PBX1: variants seen among roughly 807,000 people sequenced by gnomAD.
The protein encoded by PBX1 is PBX homeobox 1.
Under a neutral mutation model 53.4 loss-of-function variants are expected in PBX1, and 6 were observed. The observed-to-expected ratio is 0.11, with a 90% CI of 0.06 to 0.22. The LOEUF (loss-of-function observed/expected upper bound fraction) is 0.22, where lower values mean the gene tolerates loss of function less well. Among genes scored for constraint, PBX1 ranks in the 10% least tolerant of loss-of-function variants. PBX1 has a pLI of 1.00. For missense variants in PBX1, 251 were observed against 551.4 expected, an observed-to-expected ratio of 0.46 and a Z score of 5.46; for synonymous variants, 204 against 212.3, an observed-to-expected ratio of 0.96 and a Z score of 0.34.
chr1:164,797,495 A>G (rs1311609110), intron 3 of PBX1, among the ~76,000 whole-genome samples: 1 of 152,112 alleles, frequency 6.6e-6, no homozygotes, highest in African/African-American at 2.4e-5. Context: ...TTGGCTAGGG[A>G]ATGAGCTTAC....
At chr1:164,758,041 C>T in intron 2 of PBX1, among the ~76,000 whole-genome samples, 1 of 152,148 alleles carries the variant, frequency 6.6e-6, no homozygotes, top group East Asian at 1.9e-4. Flanking sequence ...TTTAGTTGGG[C>T]AGCAAACCTA....
chr1:164,581,745 T>C (rs1654632299), intron 2 of PBX1, among the ~76,000 whole-genome samples: 1 of 152,162 alleles, frequency 6.6e-6, no homozygotes. Context: ...AATATAATAA[T>C]AGCATCATTA....
chr1:164,762,940 C>T (rs1165521339), intron 2 of PBX1, among the ~76,000 whole-genome samples: 1 of 152,136 alleles, frequency 6.6e-6, no homozygotes, highest in African/African-American at 2.4e-5. Flanking sequence ...ATAATAGCAG[C>T]TGTACTAATA....
At chr1:164,770,483 T>G (rs566942466) in intron 2 of PBX1, 1 of 152,366 alleles carries the variant, frequency 6.6e-6, no homozygotes, top group Admixed American at 6.5e-5. Context: ...TCTTCTTCAG[T>G]TTTCATTGCT....
chr1:164,792,501 T>C lies in PBX1; in HGVS notation c.273T>C (p.Ser91=), dbSNP rs1668565110. ...LCEIKEKTVL[S]IRGAQEEEPT... ...CCCTGTCTTTTTCTGTAGTTTTGAG[T>C]ATCCGAGGAGCCCAGGAGGAGGAAC... The change falls in exon 3 of 9, where the codon AGT becomes AGC. Residue 91 remains serine (S), a synonymous_variant. Coordinates refer to ENST00000420696, the MANE Select transcript of PBX1 (RefSeq NM_002585.4). 1 of 1,613,928 alleles carries C rather than the reference T, an allele frequency of 6.2e-7. No individual in the cohort carries two copies. The highest frequency in any genetic ancestry group is 1.3e-5 in the African/African-American group (1 of 75,022).
At chr1:164,636,608 T>A (rs910286087) in intron 2 of PBX1, among the ~76,000 whole-genome samples, 2 of 152,180 alleles carry the variant, frequency 1.3e-5, no homozygotes, top group Non-Finnish European at 2.9e-5. Context: ...TTTGGACACC[T>A]AGTCACCTTG....
chr1:164,746,810 T>G (rs1289900841), intron 2 of PBX1, among the ~76,000 whole-genome samples: 5 of 152,168 alleles, frequency 3.3e-5, no homozygotes, highest in African/African-American at 1.2e-4. Context: ...TACAGAGAAT[T>G]CCAGTGGATT....
At chr1:164,632,844 G>A (rs928705035) in intron 2 of PBX1, among the ~76,000 whole-genome samples, 9 of 152,142 alleles carry the variant, frequency 5.9e-5, no homozygotes, top group Admixed American at 1.3e-4. Flanking sequence ...GGCACAAAAG[G>A]ATATAATTAA....
At chr1:164,581,220 C>T (rs936679855) in intron 2 of PBX1, among the ~76,000 whole-genome samples, 2 of 151,226 alleles carry the variant, frequency 1.3e-5, no homozygotes, top group Admixed American at 1.3e-4. Flanking sequence ...AGCAGCTCCC[C>T]GACCGCCATT....
intron 2 of PBX1, among the ~76,000 whole-genome samples, chr1:164,875,609 C>A (rs766678063): frequency 1.3e-5 from 2 of 152,106 alleles, no homozygotes; most frequent in African/African-American, 2.4e-5. Flanking sequence ...CAAAAATCAC[C>A]CTTTAGATGA....
At chr1:164,797,491 A>G (rs1376486018) in intron 3 of PBX1, among the ~76,000 whole-genome samples, 3 of 152,268 alleles carry the variant, frequency 2.0e-5, no homozygotes, top group Non-Finnish European at 4.4e-5. Context: ...GGGGTTGGCT[A>G]GGGAATGAGC....
At chr1:164,690,645 T>A (rs1049463063) in intron 2 of PBX1, among the ~76,000 whole-genome samples, 1 of 140,352 alleles carries the variant, frequency 7.1e-6, no homozygotes, top group African/African-American at 2.7e-5. Context: ...AAAAAAAAAA[T>A]CTTTTTTCTG....
chr1:164,871,103 C>T (rs1672373238), intron 2 of PBX1, among the ~76,000 whole-genome samples: 1 of 152,206 alleles, frequency 6.6e-6, no homozygotes, highest in African/African-American at 2.4e-5. Flanking sequence ...CAGACAGGTT[C>T]CCCATCCTTT....
At chr1:164,637,433 T>C (rs1381968389) in intron 2 of PBX1, among the ~76,000 whole-genome samples, 1 of 152,158 alleles carries the variant, frequency 6.6e-6, no homozygotes, top group Admixed American at 6.5e-5. Context: ...GCTGAGGCCG[T>C]TGACTATAAG....
chr1:164,806,924 A>G (rs1439870994), intron 4 of PBX1, among the ~76,000 whole-genome samples: 1 of 152,156 alleles, frequency 6.6e-6, no homozygotes, highest in Non-Finnish European at 1.5e-5. Flanking sequence ...GAAGAAGCTG[A>G]TCGAAATCAC....
intron 2 of PBX1, among the ~76,000 whole-genome samples, chr1:164,780,877 G>T (rs1477505222): frequency 6.6e-6 from 1 of 152,082 alleles, no homozygotes; most frequent in East Asian, 1.9e-4. Context: ...GACACCGTTA[G>T]TATCACCGTT....
intron 2 of PBX1, among the ~76,000 whole-genome samples, chr1:164,727,889 C>G (rs1050858835): frequency 3.9e-5 from 6 of 152,170 alleles, no homozygotes; most frequent in African/African-American, 7.2e-5. Context: ...GGTTCTTAAC[C>G]TCATTGATGT....
chr1:164,821,259 T>C (rs2102365999), intron 7 of PBX1, among the ~76,000 whole-genome samples: 1 of 152,314 alleles, frequency 6.6e-6, no homozygotes, highest in South Asian at 2.1e-4. Context: ...ATCATCCTAA[T>C]CCTTACCATC....
rs1558053721 is a variant in PBX1 at position 164,870,317 on chromosome 1, CT to C, written n.258-28868del. Among the ~76,000 whole-genome samples, 90 of 90,992 alleles carry C rather than the reference CT, an allele frequency of 9.9e-4. 2 individuals carry two copies. Among genetic ancestry groups the C allele is most frequent in the Middle Eastern group, 5.0e-3 (1 of 200 alleles). 59.7% of individuals were successfully genotyped at this position (90,992 alleles called of 152,430 possible). The stretch of plus-strand genomic sequence containing the variant: ...TCTTTCTTTCTTTCTTTCTTTCTTT[CT>C]TTCTTTCTTTCTTTCTTTCTTTCTT... On this transcript the variant is annotated intron_variant and non_coding_transcript_variant, in intron 2 of 2. Transcript: ENST00000558796.
Sources: gnomAD v4.1 joint callset for allele counts (sites outside exome capture counted in the v4.1 genomes callset) on GRCh38, gnomAD v4.1.1 for gene constraint, MANE v1.5 for transcripts, NCBI Gene and HGNC (gene_info 2026-07-23, HGNC 2026-07-21) for gene names.